The following ACKR3 variants were observed in gnomAD, a reference collection of about 807,000 sequenced individuals.
The protein encoded by ACKR3 is C-X-C chemokine receptor type 7.
ACKR3 carries 6 observed loss-of-function variants against 22.4 expected under a neutral mutation model. The observed-to-expected ratio is 0.27, with a 90% CI of 0.15 to 0.53. The LOEUF (loss-of-function observed/expected upper bound fraction) is 0.53. ACKR3 is among the 20% of genes least tolerant of loss of function. ACKR3 has a pLI of 0.96. For missense variants in ACKR3, 396 were observed against 475.2 expected (o/e 0.83, Z 1.55); for synonymous variants, 209 against 205.2 (o/e 1.02, Z -0.16).
the ACKR3 span, among the ~76,000 whole-genome samples, chr2:236,540,824 G>C: frequency 6.6e-6 from 1 of 152,188 alleles, no homozygotes; most frequent in Non-Finnish European, 1.5e-5. Flanking sequence ...CCTGTTTCTA[G>C]GGTCTATCCT....
chr2:236,576,503 C>T (rs751565461), intron 1 of ACKR3, among the ~76,000 whole-genome samples: 5 of 152,222 alleles, frequency 3.3e-5, no homozygotes, highest in African/African-American at 4.8e-5. Flanking sequence ...GAACCAGGGG[C>T]CCTGGGTACA....
At chr2:236,568,166 A>G (rs1691227488), upstream of ACKR3, among the ~76,000 whole-genome samples, 1 of 152,214 alleles carries the variant, frequency 6.6e-6, no homozygotes, top group Non-Finnish European at 1.5e-5. Context: ...CACTTAGCTC[A>G]GAACGGATTG....
chr2:236,576,976 C>G (rs1442647991), intron 1 of ACKR3, among the ~76,000 whole-genome samples: 2 of 152,184 alleles, frequency 1.3e-5, no homozygotes, highest in Non-Finnish European at 2.9e-5. Context: ...ACTTTCCTTC[C>G]TATCTGACCC....
the ACKR3 span, among the ~76,000 whole-genome samples, chr2:236,547,180 C>T: frequency 1.3e-5 from 2 of 152,176 alleles, no homozygotes; most frequent in Non-Finnish European, 1.5e-5. Flanking sequence ...AAACCTAGTA[C>T]AGTGTGAAGA....
chr2:236,576,288 A>G (rs764615015), intron 1 of ACKR3, among the ~76,000 whole-genome samples: 4 of 152,248 alleles, frequency 2.6e-5, no homozygotes, highest in African/African-American at 9.6e-5. Flanking sequence ...AGAGGCATTA[A>G]GAATGTATAC....
At chr2:236,550,404 T>C in the ACKR3 span, among the ~76,000 whole-genome samples, 1 of 152,126 alleles carries the variant, frequency 6.6e-6, no homozygotes, top group Non-Finnish European at 1.5e-5. This position sits in a 1 kb window ranked among gnomAD's most constrained non-coding sequence, Gnocchi z 4.6. Context: ...TTTCCATTGG[T>C]GTAGTTAGGG....
At position 236,580,741 on chromosome 2, in the gene ACKR3, G is replaced by T. The variant is rs1391367676; in HGVS notation, c.276G>T (p.Trp92Cys). 1 of 1,614,088 alleles carries T rather than the reference G, an allele frequency of 6.2e-7. No homozygotes were observed. Among genetic ancestry groups the T allele is most frequent in the Non-Finnish European group, 8.5e-7 (1 of 1,180,048 alleles). The change falls in exon 2 of 2, where the codon TGG becomes TGT. Residue 92 changes from tryptophan to cysteine, a missense_variant. Trp to Cys is a radical substitution (Grantham distance 215). Coordinates refer to ENST00000272928, the MANE Select transcript of ACKR3 (RefSeq NM_020311.3). ...TGAACCTGGCCATTGCCGACCTGTG[G>T]GTTGTCCTCACCATCCCAGTCTGGG... ...YILNLAIADL[W>C]VVLTIPVWVV...
chr2:236,553,536 G>T, the ACKR3 span, among the ~76,000 whole-genome samples: 1 of 152,268 alleles, frequency 6.6e-6, no homozygotes, highest in African/African-American at 2.4e-5. Flanking sequence ...TGACCTGGTT[G>T]CTTGGAACAG....
At chr2:236,552,970 G>A in the ACKR3 span, among the ~76,000 whole-genome samples, 187 of 152,266 alleles carry the variant, frequency 1.2e-3, 2 homozygotes, top group Non-Finnish European at 5.7e-4. Flanking sequence ...TTCTCTTCCC[G>A]TTCTTATTTC....
intron 1 of ACKR3, among the ~76,000 whole-genome samples, chr2:236,570,490 G>C (rs996436055): frequency 6.6e-6 from 1 of 152,194 alleles, no homozygotes; most frequent in East Asian, 1.9e-4. Flanking sequence ...GGATTTACCA[G>C]AGTCTGTAAG....
the ACKR3 span, among the ~76,000 whole-genome samples, chr2:236,561,287 C>T: frequency 4.0e-4 from 59 of 146,304 alleles, no homozygotes; most frequent in East Asian, 0.012. Context: ...AGTGTTCTTA[C>T]CACATTAAAA....
chr2:236,558,042 C>T, the ACKR3 span, among the ~76,000 whole-genome samples: 3 of 152,216 alleles, frequency 2.0e-5, no homozygotes, highest in African/African-American at 7.2e-5. Context: ...AAAGGCACCA[C>T]GTGATTCTGA....
the ACKR3 span, among the ~76,000 whole-genome samples, chr2:236,548,107 T>C: frequency 2.6e-5 from 4 of 152,358 alleles, 1 homozygote; most frequent in South Asian, 8.3e-4. The surrounding 1 kb of genome is among the most constrained non-coding windows in gnomAD (Gnocchi z 4.3). Flanking sequence ...TTCTACATTC[T>C]AATGTTGCAG....
the ACKR3 span, among the ~76,000 whole-genome samples, chr2:236,541,447 T>C: frequency 6.6e-6 from 1 of 152,204 alleles, no homozygotes; most frequent in Admixed American, 6.5e-5. Flanking sequence ...TTTCTCTCCT[T>C]CTCAGAAATG....
At chr2:236,556,277 G>A in the ACKR3 span, among the ~76,000 whole-genome samples, 6 of 152,208 alleles carry the variant, frequency 3.9e-5, no homozygotes, top group East Asian at 5.8e-4. Flanking sequence ...TTGCCACGGA[G>A]ATGGGAGGTC....
chr2:236,557,160 T>C, the ACKR3 span, among the ~76,000 whole-genome samples: 1 of 152,114 alleles, frequency 6.6e-6, no homozygotes, highest in African/African-American at 2.4e-5. Flanking sequence ...GGAGAAAACT[T>C]GAATGAATTT....
the ACKR3 span, among the ~76,000 whole-genome samples, chr2:236,540,678 C>G: frequency 6.6e-6 from 1 of 152,050 alleles, no homozygotes; most frequent in Admixed American, 6.5e-5. Context: ...ATGTGTGGTG[C>G]AAAATAAGGG....
chr2:236,537,753 G>A, the ACKR3 span, among the ~76,000 whole-genome samples: 2 of 152,318 alleles, frequency 1.3e-5, no homozygotes, highest in East Asian at 3.9e-4. Context: ...TGGAGGGAGG[G>A]AAAATGTGTC....
upstream of ACKR3, among the ~76,000 whole-genome samples, chr2:236,569,387 CGAAGTTCA>C (rs1691260150): frequency 6.6e-6 from 1 of 152,172 alleles, no homozygotes; most frequent in Non-Finnish European, 1.5e-5. Flanking sequence ...AAATCAACAT[CGAAGTTCA>C]GAAGTTCAGA....
Sources: allele counts gnomAD v4.1 joint callset (sites outside exome capture counted in the v4.1 genomes callset), GRCh38; gene constraint gnomAD v4.1.1; non-coding constraint Gnocchi (gnomAD v3.1); transcripts MANE v1.5; gene names NCBI Gene and HGNC (gene_info 2026-07-23, HGNC 2026-07-21).